The following PLS1 variants were observed in gnomAD, a reference collection of about 807,000 sequenced individuals.
PLS1 encodes plastin-1.
Under a neutral mutation model 73.7 loss-of-function variants are expected in PLS1, and 32 were observed. The ratio of observed to expected loss-of-function variants is 0.43; its 90% CI spans 0.33 to 0.58. The LOEUF is 0.58. Among genes scored for constraint, PLS1 ranks in the 20% least tolerant of loss-of-function variants. The pLI, the probability that PLS1 is intolerant of heterozygous loss-of-function variation, is 0.04. For synonymous variants in PLS1, 217 were observed against 261.3 expected (o/e 0.83, Z 1.63); for missense variants, 633 against 740.5 (o/e 0.85, Z 1.68).
intron 4 of PLS1, among the ~76,000 whole-genome samples, chr3:142,672,763 T>A (rs1422342841): frequency 1.3e-5 from 2 of 152,224 alleles, no homozygotes; most frequent in South Asian, 4.1e-4. Flanking sequence ...AAATAGCAGC[T>A]TTATTGAGAT....
At chr3:142,612,897 C>A (rs546760974) in intron 1 of PLS1, among the ~76,000 whole-genome samples, 16 of 152,066 alleles carry the variant, frequency 1.1e-4, no homozygotes, top group African/African-American at 3.1e-4. Flanking sequence ...CCTGAGTAGC[C>A]GGGATTACAG....
intron 11 of PLS1, among the ~76,000 whole-genome samples, chr3:142,696,379 T>C (rs1259201287): frequency 1.3e-5 from 2 of 152,192 alleles, no homozygotes; most frequent in Admixed American, 6.5e-5. Context: ...CAAAAAGAAC[T>C]GTTACTTTCA....
At chr3:142,648,356 G>A (rs1248847680) in intron 1 of PLS1, among the ~76,000 whole-genome samples, 1 of 152,172 alleles carries the variant, frequency 6.6e-6, no homozygotes. Context: ...TTGTTGAAAG[G>A]TTTGGAGTCT....
At chr3:142,669,307 A>T in intron 2 of PLS1, 83 bp from the exon 3 acceptor site, 1 of 735,130 alleles carries the variant, frequency 1.4e-6, no homozygotes, top group Non-Finnish European at 2.1e-6. Context: ...CTGTCTGCAC[A>T]TCTATGAATC....
Position 142,713,021 on chromosome 3 carries a change from C to CTATATAGGGCT in PLS1, c.*1020_*1021insGGGCTTATATA, listed in dbSNP as rs1933206360. ...GCTAGTTTAGGTCTCTATAGAAGCC[C>CTATATAGGGCT]TATATAATTTAGAATATGCCCACTG... On this transcript the variant is annotated 3_prime_UTR_variant, in exon 16 of 16. Coordinates refer to ENST00000457734, the MANE Select transcript of PLS1 (RefSeq NM_001145319.2). 6.6e-6 allele frequency: 1 copy of CTATATAGGGCT among 152,394 alleles called. No individual in the cohort carries two copies. The highest frequency in any genetic ancestry group is 2.4e-5 in the African/African-American group (1 of 41,380). 9.4% of individuals were successfully genotyped at this position (152,394 alleles called of 1,614,324 possible). A position where few individuals can be genotyped will look rare whatever the true frequency, so the allele number is the denominator to read the frequency against.
chr3:142,602,630 C>T lies in PLS1; in HGVS notation c.-37+6121C>T, dbSNP rs541051064. Among the ~76,000 whole-genome samples, 11 of 151,740 alleles carry T rather than the reference C, an allele frequency of 7.2e-5. No individual in the cohort carries two copies. The South Asian group carries it at 1.9e-3, about 26-fold the overall frequency. On this transcript the variant is annotated intron_variant, in intron 1 of 15. Transcript: ENST00000457734. ...CCCACCCCATAGGCCCCAGCTTTGACCTGTGAGAAAATGTGCTCCTCTCCC... is the reference window on the plus strand; with the variant it reads ...CCCACCCCATAGGCCCCAGCTTTGATCTGTGAGAAAATGTGCTCCTCTCCC...
intron 1 of PLS1, among the ~76,000 whole-genome samples, chr3:142,622,323 G>T (rs1225610297): frequency 6.6e-6 from 1 of 152,154 alleles, no homozygotes. Context: ...GTTTTGACAG[G>T]TATATACATC....
intron 12 of PLS1, among the ~76,000 whole-genome samples, chr3:142,699,909 T>G (rs1577908385): frequency 6.6e-6 from 1 of 152,314 alleles, no homozygotes; most frequent in East Asian, 1.9e-4. Context: ...ATTTTTAATT[T>G]CATTTGATTT....
chr3:142,671,251 A>T (rs2037598819), intron 4 of PLS1, 129 bp downstream of exon 4: 4 of 780,664 alleles, frequency 5.1e-6, no homozygotes, highest in Non-Finnish European at 8.7e-6. Context: ...GGAGAAAAAA[A>T]TACTGCAGAC....
intron 14 of PLS1, among the ~76,000 whole-genome samples, chr3:142,708,324 C>T (rs1266983263): frequency 6.6e-6 from 1 of 152,088 alleles, no homozygotes; most frequent in South Asian, 2.1e-4. Context: ...TCAGCTCACT[C>T]CAACCTCTGC....
chr3:142,650,075 A>G (rs1490660570), intron 1 of PLS1, among the ~76,000 whole-genome samples: 5 of 152,182 alleles, frequency 3.3e-5, no homozygotes, highest in South Asian at 2.1e-4. Flanking sequence ...GGCTTTTAAT[A>G]AATTGTTTTG....
At chr3:142,684,952 G>A (rs938139538) in intron 8 of PLS1, among the ~76,000 whole-genome samples, 3 of 152,136 alleles carry the variant, frequency 2.0e-5, no homozygotes, top group Non-Finnish European at 2.9e-5. Context: ...CTTGGTTACT[G>A]CCTGGATGGG....
intron 1 of PLS1, among the ~76,000 whole-genome samples, chr3:142,599,320 ATTCTTTTTTTTTTT>A (rs2035871708): frequency 7.3e-6 from 1 of 137,250 alleles, no homozygotes; most frequent in Non-Finnish European, 1.6e-5. Flanking sequence ...GGACTCAGAT[ATTCTTTTTTTTTTT>A]TTTTTTTTTT....
At chr3:142,617,450 C>T (rs2036235664) in intron 1 of PLS1, among the ~76,000 whole-genome samples, 1 of 152,168 alleles carries the variant, frequency 6.6e-6, no homozygotes, top group African/African-American at 2.4e-5. Context: ...GCTTAATCTG[C>T]ACTTGGGGCC....
intron 1 of PLS1, among the ~76,000 whole-genome samples, chr3:142,634,005 C>T (rs777597118): frequency 3.9e-5 from 6 of 152,104 alleles, no homozygotes; most frequent in Non-Finnish European, 7.3e-5. Context: ...CGAATTCAAA[C>T]GTCTAGAGAT....
At chr3:142,666,181 A>T (rs1351084143) in intron 2 of PLS1, among the ~76,000 whole-genome samples, 1 of 152,210 alleles carries the variant, frequency 6.6e-6, no homozygotes, top group Non-Finnish European at 1.5e-5. Context: ...TAAAATATAC[A>T]TAACAGAATT....
intron 1 of PLS1, among the ~76,000 whole-genome samples, chr3:142,631,795 G>A (rs2036571574): frequency 6.6e-6 from 1 of 151,752 alleles, no homozygotes; most frequent in African/African-American, 2.4e-5. Flanking sequence ...AAAGCTTCAG[G>A]ACACTGAATT....
At chr3:142,596,914 A>T (rs1334962934) in intron 1 of PLS1, among the ~76,000 whole-genome samples, 3 of 152,308 alleles carry the variant, frequency 2.0e-5, no homozygotes. Context: ...TAGGATCAAT[A>T]GGGCTGTAGT....
intron 1 of PLS1, among the ~76,000 whole-genome samples, chr3:142,606,891 T>A (rs546540635): frequency 7.9e-5 from 12 of 152,362 alleles, no homozygotes; most frequent in Non-Finnish European, 1.3e-4. Flanking sequence ...TTATGAATAT[T>A]GTTGCTGTGA....
Sources: gnomAD v4.1 joint callset for allele counts (sites outside exome capture counted in the v4.1 genomes callset) on GRCh38, gnomAD v4.1.1 for gene constraint, MANE v1.5 for transcripts, NCBI Gene and HGNC (gene_info 2026-07-23, HGNC 2026-07-21) for gene names.